Variants in NOVA1 observed in about 807,000 individuals in gnomAD.
NOVA1 encodes the protein RNA-binding protein Nova-1.
NOVA1 carries 7 observed loss-of-function variants against 38.0 expected under a neutral mutation model. The ratio of observed to expected loss-of-function variants is 0.18; its 90% CI spans 0.10 to 0.35. The LOEUF is 0.35. Ranked by LOEUF, NOVA1 falls within the 10% of genes least tolerant of loss-of-function variation. NOVA1 has a pLI of 1.00. For missense variants in NOVA1, 460 were observed against 616.0 expected, an observed-to-expected ratio of 0.75 and a Z score of 2.68; for synonymous variants, 270 against 232.5, an observed-to-expected ratio of 1.16 and a Z score of -1.47.
In NOVA1 at chr14:26,477,771, T is replaced by A. The variant is rs560187975; in HGVS notation, c.447+2206A>T. ...GCAAAGAGTACTACGTTGGTAAAAT[T>A]GGATACCTAGAAAGTCAGAGAATCC... On this transcript the variant is annotated intron_variant, in intron 3 of 4. Coordinates refer to ENST00000539517, the MANE Select transcript of NOVA1 (RefSeq NM_002515.3). 4.0e-4 allele frequency among the ~76,000 whole-genome samples: 61 copies of A among 152,142 alleles called. 2 individuals are homozygous for A. The South Asian group carries it at 0.012, about 30-fold the overall frequency.
chr14:26,582,309 G>A (rs774460395), intron 2 of NOVA1, among the ~76,000 whole-genome samples: 3 of 151,500 alleles, frequency 2.0e-5, no homozygotes, highest in East Asian at 3.9e-4. Context: ...TATTTTTAAC[G>A]CAATCTCCTG....
chr14:26,565,071 T>C (rs912490960), intron 2 of NOVA1, among the ~76,000 whole-genome samples: 1 of 152,154 alleles, frequency 6.6e-6, no homozygotes, highest in Non-Finnish European at 1.5e-5. Context: ...TTAAGAGCTA[T>C]TGAAGTCAAC....
At chr14:26,541,984 T>TA in intron 2 of NOVA1, among the ~76,000 whole-genome samples, 1 of 152,012 alleles carries the variant, frequency 6.6e-6, no homozygotes, top group East Asian at 1.9e-4. Context: ...TAACCTAATG[T>TA]AAAGGTCAGA....
intron 2 of NOVA1, among the ~76,000 whole-genome samples, chr14:26,513,643 A>T (rs920013130): frequency 2.0e-5 from 3 of 151,738 alleles, no homozygotes; most frequent in African/African-American, 4.8e-5. Flanking sequence ...ACAATATTTT[A>T]AAAATGTTTT....
chr14:26,589,378 A>C (rs1344704829), intron 2 of NOVA1, among the ~76,000 whole-genome samples: 1 of 151,764 alleles, frequency 6.6e-6, no homozygotes, highest in African/African-American at 2.4e-5. Flanking sequence ...AAACAACAGA[A>C]ATAAATGACA....
chr14:26,464,202 G>A (rs928647360), intron 4 of NOVA1, among the ~76,000 whole-genome samples: 10 of 152,122 alleles, frequency 6.6e-5, no homozygotes, highest in African/African-American at 1.4e-4. Context: ...TTTCATCAAT[G>A]ACAGGCCACA....
At chr14:26,483,158 A>T (rs1238200616) in intron 2 of NOVA1, among the ~76,000 whole-genome samples, 1 of 152,222 alleles carries the variant, frequency 6.6e-6, no homozygotes, top group Non-Finnish European at 1.5e-5. Flanking sequence ...CTAAAATTAC[A>T]TACAATTATC....
At chr14:26,504,406 A>G (rs191048843) in intron 2 of NOVA1, among the ~76,000 whole-genome samples, 2 of 152,360 alleles carry the variant, frequency 1.3e-5, no homozygotes, top group Admixed American at 1.3e-4. Flanking sequence ...TAGCATATTA[A>G]AAGTACATGT....
intron 3 of NOVA1, among the ~76,000 whole-genome samples, chr14:26,476,647 T>C (rs1303448182): frequency 6.6e-6 from 1 of 152,138 alleles, no homozygotes; most frequent in Non-Finnish European, 1.5e-5. Context: ...CAAGTTTTCA[T>C]CTATTTACAA....
At position 26,573,560 on chromosome 14, in the gene NOVA1, G is replaced by A. The variant is rs192436311; in HGVS notation, c.280+21850C>T. 1.9e-4 allele frequency among the ~76,000 whole-genome samples: 29 copies of A among 152,064 alleles called. No individual in the cohort carries two copies. In the East Asian group the frequency reaches 5.6e-3, roughly 29 times the overall value. On this transcript the variant is annotated intron_variant, in intron 2 of 4. Coordinates refer to ENST00000539517, the MANE Select transcript of NOVA1 (RefSeq NM_002515.3). ...ATAAGAATCTGAAAAAGATAAAGGG[G>A]GGCATGATAAATGATTCCTAAAAAG...
intron 2 of NOVA1, among the ~76,000 whole-genome samples, chr14:26,544,286 C>T (rs1890651636): frequency 6.6e-6 from 1 of 151,940 alleles, no homozygotes; most frequent in Admixed American, 6.6e-5. Flanking sequence ...AAAGTGTCAA[C>T]CGCATCAAGG....
intron 2 of NOVA1, among the ~76,000 whole-genome samples, chr14:26,544,696 G>C (rs969778909): frequency 2.6e-5 from 4 of 151,730 alleles, no homozygotes; most frequent in Non-Finnish European, 5.9e-5. Context: ...AAGAATGAGA[G>C]AGAGAAAGAA....
chr14:26,494,328 A>G (rs1345564358), intron 2 of NOVA1, among the ~76,000 whole-genome samples: 1 of 152,024 alleles, frequency 6.6e-6, no homozygotes, highest in East Asian at 1.9e-4. Flanking sequence ...CTCAAATCCC[A>G]GGTTTTGGGG....
chr14:26,483,141 C>A (rs981694871), intron 2 of NOVA1, among the ~76,000 whole-genome samples: 4 of 152,152 alleles, frequency 2.6e-5, no homozygotes, highest in Non-Finnish European at 2.9e-5. Flanking sequence ...TAAAAATGCA[C>A]AGGTTTCTAA....
chr14:26,539,531 G>GTA (rs3054141), intron 2 of NOVA1, among the ~76,000 whole-genome samples: 37,705 of 151,782 alleles, frequency 0.25, 5,515 homozygotes, highest in African/African-American at 0.4. Flanking sequence ...GAGCTCTTAT[G>GTA]TATATATATG....
intron 2 of NOVA1, among the ~76,000 whole-genome samples, chr14:26,532,732 C>CA (rs1889810487): frequency 6.6e-6 from 1 of 152,088 alleles, no homozygotes; most frequent in Non-Finnish European, 1.5e-5. Flanking sequence ...CTTTTGAGGG[C>CA]AGAGGGTATT....
intron 2 of NOVA1, among the ~76,000 whole-genome samples, chr14:26,520,998 G>A (rs1888836594): frequency 6.6e-6 from 1 of 152,152 alleles, no homozygotes; most frequent in Non-Finnish European, 1.5e-5. Flanking sequence ...CTCTCTGGTA[G>A]AGAACACCAA....
intron 4 of NOVA1, among the ~76,000 whole-genome samples, chr14:26,461,902 T>C (rs994102733): frequency 1.3e-5 from 2 of 151,724 alleles, no homozygotes; most frequent in African/African-American, 4.8e-5. Context: ...ATCGCATCAT[T>C]GCACTCCAGC....
chr14:26,574,740 C>T (rs1892728477), intron 2 of NOVA1, among the ~76,000 whole-genome samples: 2 of 152,138 alleles, frequency 1.3e-5, no homozygotes, highest in African/African-American at 4.8e-5. Flanking sequence ...TCACTGCACC[C>T]TTAACACCTG....
Sources: gnomAD v4.1 joint callset for allele counts (sites outside exome capture counted in the v4.1 genomes callset) on GRCh38, gnomAD v4.1.1 for gene constraint, MANE v1.5 for transcripts, NCBI Gene and HGNC (gene_info 2026-07-23, HGNC 2026-07-21) for gene names.